Variants in FYCO1 observed in about 807,000 individuals in gnomAD.
The protein encoded by FYCO1 is FYVE and coiled-coil domain-containing protein 1.
FYCO1 carries 122 observed loss-of-function variants against 165.1 expected under a neutral mutation model. The ratio of observed to expected loss-of-function variants is 0.74; its 90% CI spans 0.64 to 0.86. The LOEUF is 0.86. FYCO1 is among the 40% of genes least tolerant of loss of function. The pLI, the probability that FYCO1 is intolerant of heterozygous loss-of-function variation, is 0.00. For synonymous variants in FYCO1, 648 were observed against 742.5 expected (o/e 0.87, Z 2.07); for missense variants, 1,702 against 1,810.3 (o/e 0.94, Z 1.09).
At chr3:45,990,857 C>G (rs774610414) in intron 1 of FYCO1, among the ~76,000 whole-genome samples, 10 of 152,154 alleles carry the variant, frequency 6.6e-5, no homozygotes, top group Non-Finnish European at 1.2e-4. Flanking sequence ...CTGCAACCTC[C>G]CCCTCCCAGG....
At chr3:45,951,366 C>T (rs2125829326) in intron 14 of FYCO1, among the ~76,000 whole-genome samples, 1 of 152,300 alleles carries the variant, frequency 6.6e-6, no homozygotes, top group Admixed American at 6.5e-5. Flanking sequence ...TACCTAGAGC[C>T]ATGGAGCCTG....
intron 1 of FYCO1, among the ~76,000 whole-genome samples, chr3:45,986,347 C>T (rs1288962660): frequency 6.6e-6 from 1 of 152,190 alleles, no homozygotes; most frequent in African/African-American, 2.4e-5. Context: ...CATGCCACCT[C>T]TCACTCTCCC....
At position 45,967,450 on chromosome 3, in the gene FYCO1, C is replaced by T. The variant is rs756464340; in HGVS notation, c.1884G>A (p.Val628=). 7 of 1,613,668 alleles carry T rather than the reference C, an allele frequency of 4.3e-6. No individual in the cohort carries two copies. The highest frequency in any genetic ancestry group is 5.9e-6 in the Non-Finnish European group (7 of 1,180,016). ...NRELEKELQN[V]VGRNQLLEGK... ...CCTCCAGGAGCTGGTTACGCCCGAC[C>T]ACATTCTGTAGCTCCTTCTCCAGCT... The change falls in exon 8 of 18, where the codon GTG becomes GTA. Residue 628 remains valine, a synonymous_variant. Coordinates refer to ENST00000296137, the MANE Select transcript of FYCO1 (RefSeq NM_024513.4).
Position 45,967,215 on chromosome 3 carries a change from C to T in FYCO1, c.2119G>A (p.Gly707Ser), listed in dbSNP as rs575482192. ...TCCTCCCGCAGCTGCTGACACTCGC[C>T]CTCCTTGCTCTGTAGAATGGCCTCC... ...EKEAILQSKE[G>S]ECQQLREEVE... The change falls in exon 8 of 18, where the codon GGC (glycine) becomes AGC (serine). Residue 707 changes from glycine to serine, a missense_variant. Coordinates refer to ENST00000296137, the MANE Select transcript of FYCO1 (RefSeq NM_024513.4). 2.1e-5 allele frequency: 34 copies of T among 1,614,048 alleles called. No homozygotes were observed. Among genetic ancestry groups the T allele is most frequent in the Admixed American group, 3.3e-5 (2 of 60,024 alleles).
In FYCO1 at chr3:45,968,515, T is replaced by C. The variant is rs13071283; in HGVS notation, c.819A>G (p.Gln273=). 184,723 of 1,613,932 alleles carry C rather than the reference T, an allele frequency of 0.11. 14,046 individuals are homozygous for C. Among genetic ancestry groups the C allele is most frequent in the South Asian group, 0.34 (30,542 of 91,074 alleles). The change falls in exon 8 of 18, where the codon CAA becomes CAG. Residue 273 remains glutamine, a synonymous_variant. Transcript: ENST00000296137. ...LRAAVSQQGE[Q]LQTERERGRT... is the part of the protein sequence containing the mutation. ...GCCCCCTCTCCCTCTCTGTCTGCAG[T>C]TGCTCCCCTTGCTGGCTGACAGCTG...
rs1262004043 is a variant in FYCO1, at chr3:45,967,404, C to G, written c.1930G>C (p.Ala644Pro). ...LLEGKLQALQ[A>P]DYQALQQRES... is the part of the protein sequence containing the mutation. Reference sequence around the variant, plus strand: ...CGCTGCTGCAAAGCCTGGTAATCGGCCTGCAGGGCTTGCAGCTTGCCCTCC... The same window carrying G: ...CGCTGCTGCAAAGCCTGGTAATCGGGCTGCAGGGCTTGCAGCTTGCCCTCC... The change falls in exon 8 of 18, where the codon GCC becomes CCC. Residue 644 changes from alanine (A) to proline (P), a missense_variant. Coordinates refer to ENST00000296137, the MANE Select transcript of FYCO1 (RefSeq NM_024513.4). 1 of 1,612,704 alleles carries G rather than the reference C, an allele frequency of 6.2e-7. No individual in the cohort carries two copies. The highest frequency in any genetic ancestry group is 8.5e-7 in the Non-Finnish European group (1 of 1,179,490).
At position 45,973,865 on chromosome 3, in the gene FYCO1, G is replaced by T. The variant is rs1706579813; in HGVS notation, c.396-634C>A. Among the ~76,000 whole-genome samples, 3 of 151,972 alleles carry T rather than the reference G, an allele frequency of 2.0e-5. No individual in the cohort carries two copies. In the South Asian group the frequency reaches 6.2e-4, roughly 32 times the overall value. On this transcript the variant is annotated intron_variant, in intron 5 of 17. Coordinates refer to ENST00000296137, the MANE Select transcript of FYCO1 (RefSeq NM_024513.4). ...TTGAACCCAGGAGTTTGAGGCCAGG[G>T]TGGGCAACATGGCAATATCCCATCT...
At chr3:45,933,669 C>A (rs751069318) in intron 15 of FYCO1, among the ~76,000 whole-genome samples, 4 of 151,882 alleles carry the variant, frequency 2.6e-5, no homozygotes, top group Non-Finnish European at 4.4e-5. Context: ...GATTAAGGAC[C>A]CCCAGAATAT....
chr3:45,967,395 G>T lies in FYCO1; in HGVS notation c.1939C>A (p.Gln647Lys), dbSNP rs748546823. The change falls in exon 8 of 18, where the codon CAG (glutamine) becomes AAG (lysine). Residue 647 changes from glutamine to lysine, a missense_variant. By Grantham distance (53) the Gln-to-Lys change is moderately conservative. Coordinates refer to ENST00000296137, the MANE Select transcript of FYCO1 (RefSeq NM_024513.4). ...GCTGATTCCCGCTGCTGCAAAGCCTGGTAATCGGCCTGCAGGGCTTGCAGC... is the reference window on the plus strand; with the variant it reads ...GCTGATTCCCGCTGCTGCAAAGCCTTGTAATCGGCCTGCAGGGCTTGCAGC... ...GKLQALQADYQALQQRESAIQ... is the reference protein window; with the variant it reads ...GKLQALQADYKALQQRESAIQ... The T allele has an allele frequency of 3.1e-6, 5 of 1,611,912 alleles. No homozygotes were observed. The highest frequency in any genetic ancestry group is 3.4e-6 in the Non-Finnish European group (4 of 1,178,916).
rs1047444 is a variant in FYCO1, at chr3:45,918,587, C to G, written c.*3178G>C. 6.6e-6 allele frequency: 1 copy of G among 152,020 alleles called. No homozygotes were observed. The highest frequency in any genetic ancestry group is 1.5e-5 in the Non-Finnish European group (1 of 68,006). 9.4% of individuals were successfully genotyped at this position (152,020 alleles called of 1,614,324 possible). On this transcript the variant is annotated 3_prime_UTR_variant, in exon 18 of 18. Coordinates refer to ENST00000296137, the MANE Select transcript of FYCO1 (RefSeq NM_024513.4). ...TGTAGAATCATGCGCACTTTTAAAACTGAAACTCCTTTAAAATTTCATCAG... is the reference window on the plus strand; with the variant it reads ...TGTAGAATCATGCGCACTTTTAAAAGTGAAACTCCTTTAAAATTTCATCAG...
chr3:45,923,853 G>A lies in FYCO1; in HGVS notation c.4252-88C>T, dbSNP rs541606890. 3.2e-5 allele frequency: 28 copies of A among 881,950 alleles called. No homozygotes were observed. In the East Asian group the frequency reaches 3.9e-4, roughly 12 times the overall value. 54.6% of individuals were successfully genotyped at this position (881,950 alleles called of 1,614,324 possible). On this transcript the variant is annotated intron_variant, in intron 16 of 17. Coordinates refer to ENST00000296137, the MANE Select transcript of FYCO1 (RefSeq NM_024513.4). ...GGGAAGACCCTTTATTTTGGGGTAG[G>A]AGGCTGAGTGTGTTGCCTGAGGTCA...
At chr3:45,980,978 C>G (rs766471711) in intron 3 of FYCO1, among the ~76,000 whole-genome samples, 1 of 152,212 alleles carries the variant, frequency 6.6e-6, no homozygotes, top group Middle Eastern at 3.4e-3. Context: ...GTTATACCAT[C>G]AATATGTTAA....
chr3:45,962,906 C>T lies in FYCO1; in HGVS notation c.3270-514G>A, dbSNP rs1705785562. ...ACTGCCAGCTGTTCTACCTGATAGC[C>T]CCCCTGAGGCCCAGGGAATTCCGTT... On this transcript the variant is annotated intron_variant, in intron 10 of 17. Transcript: ENST00000296137. The surrounding 1 kb of genome is among the most constrained non-coding windows in gnomAD (Gnocchi z 4.4). 6.6e-6 allele frequency among the ~76,000 whole-genome samples: 1 copy of T among 152,154 alleles called. No individual in the cohort carries two copies. Among genetic ancestry groups the T allele is most frequent in the Admixed American group, 6.5e-5 (1 of 15,276 alleles).
At chr3:45,960,877 TGA>T (rs1705665494) in intron 11 of FYCO1, among the ~76,000 whole-genome samples, 2 of 152,128 alleles carry the variant, frequency 1.3e-5, no homozygotes, top group South Asian at 4.2e-4. Context: ...CACTGGTGTC[TGA>T]GTCTCACTCC....
intron 16 of FYCO1, among the ~76,000 whole-genome samples, chr3:45,927,034 A>T (rs1486512155): frequency 2.6e-5 from 4 of 152,078 alleles, no homozygotes; most frequent in Admixed American, 2.0e-4. Flanking sequence ...CACTCGGCAC[A>T]TTCACCCAGG....
At chr3:45,930,951 C>G in intron 16 of FYCO1, 120 bp downstream of exon 16, 1 of 924,936 alleles carries the variant, frequency 1.1e-6, no homozygotes, top group Non-Finnish European at 1.7e-6. Flanking sequence ...CTGCCCAGAA[C>G]ATTCCAAGTG....
intron 3 of FYCO1, among the ~76,000 whole-genome samples, chr3:45,980,920 C>T (rs1401013818): frequency 6.6e-6 from 1 of 152,228 alleles, no homozygotes; most frequent in East Asian, 1.9e-4. Context: ...TTTTCCACAT[C>T]TGCAGTGTTT....
In FYCO1 at chr3:45,964,485, A is replaced by C; in HGVS notation, c.3151-31T>G. The C allele has an allele frequency of 6.2e-7, 1 of 1,612,854 alleles. No individual in the cohort carries two copies. The highest frequency in any genetic ancestry group is 8.5e-7 in the Non-Finnish European group (1 of 1,179,432). The stretch of plus-strand genomic sequence containing the variant: ...ACAGGACGTCAGGGAGAAGACACTC[A>C]GCTTGCAGAAGGCCATGCAACGTAC... On this transcript the variant is annotated intron_variant, in intron 9 of 17. Transcript: ENST00000296137. This position sits in a 1 kb window ranked among gnomAD's most constrained non-coding sequence, Gnocchi z 4.1.
chr3:45,976,982 T>A (rs1329773178), intron 4 of FYCO1, among the ~76,000 whole-genome samples: 1 of 152,162 alleles, frequency 6.6e-6, no homozygotes, highest in Non-Finnish European at 1.5e-5. Flanking sequence ...CACCATGACA[T>A]GTCTGCAGAT....
Sources: allele counts gnomAD v4.1 joint callset (sites outside exome capture counted in the v4.1 genomes callset), GRCh38; gene constraint gnomAD v4.1.1; non-coding constraint Gnocchi (gnomAD v3.1); transcripts MANE v1.5; gene names NCBI Gene and HGNC (gene_info 2026-07-23, HGNC 2026-07-21).